GRTP1: variants seen among roughly 807,000 people sequenced by gnomAD.
GRTP1 encodes the protein growth hormone regulated TBC protein 1, also known as growth hormone-regulated TBC protein 1.
Under a neutral mutation model 38.1 loss-of-function variants are expected in GRTP1, and 56 were observed. The ratio of observed to expected loss-of-function variants is 1.47; its 90% CI spans 1.19 to 1.84. The LOEUF (loss-of-function observed/expected upper bound fraction) is 1.84. GRTP1 is among the 40% of genes most tolerant of loss of function. The pLI, the probability that GRTP1 is intolerant of heterozygous loss-of-function variation, is 0.00. For synonymous variants in GRTP1, 217 were observed against 189.5 expected (o/e 1.14, Z -1.19); for missense variants, 506 against 453.9 (o/e 1.11, Z -1.04).
Position 113,325,658 on chromosome 13 carries a change from C to T in GRTP1, c.921+3G>A, listed in dbSNP as rs1011363133. 6.3e-7 allele frequency: 1 copy of T among 1,578,880 alleles called. No individual in the cohort carries two copies. Among genetic ancestry groups the T allele is most frequent in the African/African-American group, 2.2e-5 (1 of 44,602 alleles). On this transcript the variant is annotated splice_donor_region_variant and intron_variant, in intron 7 of 7. Transcript: ENST00000375431. ...GGACTGAGCCACGTGCAGCCCCACACACCTGCATAAACGTGTGACACTCCA... is the reference window on the plus strand; with the variant it reads ...GGACTGAGCCACGTGCAGCCCCACATACCTGCATAAACGTGTGACACTCCA...
Position 113,343,049 on chromosome 13 carries a change from G to A in GRTP1, c.562+1814C>T, listed in dbSNP as rs527894565. 1.6e-4 allele frequency among the ~76,000 whole-genome samples: 24 copies of A among 152,160 alleles called. No individual in the cohort carries two copies. The highest frequency in any genetic ancestry group is 2.6e-4 in the Admixed American group (4 of 15,274). On this transcript the variant is annotated intron_variant, in intron 5 of 7. Transcript: ENST00000375431. This position sits in a 1 kb window ranked among gnomAD's most constrained non-coding sequence, Gnocchi z 4.8. The stretch of plus-strand genomic sequence containing the variant: ...CAGGAACTCGTGTGTGCTCACCGAT[G>A]TTTCCCACACCCCTGAACGGCGCCC...
chr13:113,355,307 AC>A lies in GRTP1; in HGVS notation c.340+15del, dbSNP rs1167399102. ...CCCCCGGGCCCTGCACCAGAGCTCG[AC>A]CCCCACCGCCTCACCTGTCCTGATG... is the stretch of plus-strand genomic sequence containing the variant. On this transcript the variant is annotated intron_variant, in intron 3 of 7. Coordinates refer to ENST00000375431, the MANE Select transcript of GRTP1 (RefSeq NM_024719.4). 6.2e-7 allele frequency: 1 copy of A among 1,611,770 alleles called. No homozygotes were observed. Among genetic ancestry groups the A allele is most frequent in the East Asian group, 2.2e-5 (1 of 44,800 alleles).
At chr13:113,341,675 G>A (rs993990398) in intron 5 of GRTP1, among the ~76,000 whole-genome samples, 2 of 152,044 alleles carry the variant, frequency 1.3e-5, no homozygotes, top group East Asian at 1.9e-4. Context: ...TGTTTCTGTC[G>A]CTAATTTTCA....
At chr13:113,353,285 A>G (rs1447798755) in intron 3 of GRTP1, among the ~76,000 whole-genome samples, 2 of 152,272 alleles carry the variant, frequency 1.3e-5, no homozygotes, top group Non-Finnish European at 2.9e-5. Flanking sequence ...AGCTGAAAGC[A>G]GGGACCCAGC....
intron 3 of GRTP1, among the ~76,000 whole-genome samples, chr13:113,354,297 A>G (rs1445223899): frequency 6.6e-6 from 1 of 152,054 alleles, no homozygotes; most frequent in Non-Finnish European, 1.5e-5. Context: ...CCCAGCTCCC[A>G]GCCTTGGGAG....
intron 3 of GRTP1, 106 bp downstream of exon 3, chr13:113,355,217 A>G (rs2043360476): frequency 8.9e-7 from 1 of 1,117,338 alleles, no homozygotes. Context: ...AGTTAAAAGC[A>G]GCAGGCGCAC....
chr13:113,343,800 C>T lies in GRTP1; in HGVS notation c.562+1063G>A, dbSNP rs1028565722. Among the ~76,000 whole-genome samples the T allele has an allele frequency of 7.9e-5, 12 of 152,222 alleles. No homozygotes were observed. The highest frequency in any genetic ancestry group is 2.4e-4 in the African/African-American group (10 of 41,452). ...TGGGGACTGGCCCGGCTGCCCCTCA[C>T]GTCTCCTCTGCCCTGCAGGATGAGC... On this transcript the variant is annotated intron_variant, in intron 5 of 7. Transcript: ENST00000375431. The surrounding 1 kb of genome is among the most constrained non-coding windows in gnomAD (Gnocchi z 4.8).
rs60508083 is a variant in GRTP1, at chr13:113,342,499, A to T, written c.562+2364T>A. On this transcript the variant is annotated intron_variant, in intron 5 of 7. Transcript: ENST00000375431. The surrounding 1 kb of genome is among the most constrained non-coding windows in gnomAD (Gnocchi z 4.5). ...CAGCCTGGGCGACAGAGCGAGACTCAGTCTCAAAAAAAAAAAAGTACTGTA... is the reference window on the plus strand; with the variant it reads ...CAGCCTGGGCGACAGAGCGAGACTCTGTCTCAAAAAAAAAAAAGTACTGTA... 0.24 allele frequency among the ~76,000 whole-genome samples: 35,991 copies of T among 151,698 alleles called. 5,876 individuals carry two copies. Among genetic ancestry groups the T allele is most frequent in the African/African-American group, 0.46 (19,087 of 41,300 alleles).
chr13:113,334,136 A>G (rs1392793878), intron 5 of GRTP1, among the ~76,000 whole-genome samples: 1 of 152,212 alleles, frequency 6.6e-6, no homozygotes, highest in Non-Finnish European at 1.5e-5. Flanking sequence ...CGCCTGGCCC[A>G]TGCCTGTGCA....
chr13:113,338,223 G>A (rs1340835340), intron 5 of GRTP1, among the ~76,000 whole-genome samples: 1 of 152,158 alleles, frequency 6.6e-6, no homozygotes, highest in Non-Finnish European at 1.5e-5. Context: ...GCCTTGTTGG[G>A]ATGGTGATTG....
chr13:113,324,699 A>G, intron 7 of GRTP1, 122 bp from the exon 8 acceptor site: 9 of 1,471,024 alleles, frequency 6.1e-6, no homozygotes, highest in Non-Finnish European at 8.1e-6. Context: ...TCCACATCCA[A>G]GGGCTTCTGG....
chr13:113,364,081 C>T lies in GRTP1; in HGVS notation c.-30G>A. The T allele has an allele frequency of 8.1e-7, 1 of 1,240,870 alleles. No homozygotes were observed. Among genetic ancestry groups the T allele is most frequent in the Non-Finnish European group, 1.0e-6 (1 of 997,388 alleles). 76.9% of individuals were successfully genotyped at this position (1,240,870 alleles called of 1,614,324 possible). On this transcript the variant is annotated 5_prime_UTR_variant, in exon 1 of 8. Coordinates refer to ENST00000375431, the MANE Select transcript of GRTP1 (RefSeq NM_024719.4). ...GGAGGGAGGCGCGCACCGAGCGAGG[C>T]CAGCGGGTCCCAAGTTCGCCTCCCG... is the stretch of plus-strand genomic sequence containing the variant.
In GRTP1 at chr13:113,343,391, G is replaced by A. The variant is rs1368686185; in HGVS notation, c.562+1472C>T. ...TCAACAGCTCTTCCCACTCCCGGGA[G>A]CTCTGTGGGGTTCCCTTCCTCTGGG... On this transcript the variant is annotated intron_variant, in intron 5 of 7. Coordinates refer to ENST00000375431, the MANE Select transcript of GRTP1 (RefSeq NM_024719.4). The surrounding 1 kb of genome is among the most constrained non-coding windows in gnomAD (Gnocchi z 4.8). 1.3e-5 allele frequency among the ~76,000 whole-genome samples: 2 copies of A among 152,218 alleles called. No homozygotes were observed. Among genetic ancestry groups the A allele is most frequent in the Non-Finnish European group, 2.9e-5 (2 of 68,044 alleles).
Position 113,355,335 on chromosome 13 carries a change from C to T in GRTP1, c.328G>A (p.Ala110Thr), listed in dbSNP as rs1226141528. ...CCCACCGCCTCACCTGTCCTGATGG[C>T]GTCCTCCAGCCTGGGGTTTCTCTCT... is the stretch of plus-strand genomic sequence containing the variant. ...QGERNPRLEDAIRTDLNRTFP... is the reference protein window; with the variant it reads ...QGERNPRLEDTIRTDLNRTFP... The change falls in exon 3 of 8, where the codon GCC becomes ACC. Residue 110 changes from alanine (A) to threonine (T), a missense_variant. Physicochemically the swap from Ala to Thr is moderately conservative, Grantham distance 58. Transcript: ENST00000375431. The T allele has an allele frequency of 1.9e-6, 3 of 1,613,970 alleles. No individual in the cohort carries two copies. The South Asian group carries it at 3.3e-5, about 18-fold the overall frequency.
intron 4 of GRTP1, among the ~76,000 whole-genome samples, chr13:113,350,505 C>A (rs2139494233): frequency 6.7e-6 from 1 of 149,804 alleles, no homozygotes; most frequent in South Asian, 2.1e-4. Flanking sequence ...GTGCACATGC[C>A]TTCCAGCATA....
intron 5 of GRTP1, among the ~76,000 whole-genome samples, chr13:113,338,015 G>T (rs1234499678): frequency 6.6e-6 from 1 of 152,256 alleles, no homozygotes; most frequent in Admixed American, 6.5e-5. Context: ...GAGGAAACCA[G>T]GTCAAACCCA....
At position 113,348,086 on chromosome 13, in the gene GRTP1, A is replaced by G. The variant is rs1019147447; in HGVS notation, c.465+2763T>C. Among the ~76,000 whole-genome samples, 8 of 152,252 alleles carry G rather than the reference A, an allele frequency of 5.3e-5. No individual in the cohort carries two copies. Among genetic ancestry groups the G allele is most frequent in the East Asian group, 1.9e-4 (1 of 5,182 alleles). The stretch of plus-strand genomic sequence containing the variant: ...TGAGAATGGACCCCTTTGAGTGGAC[A>G]GTGCTACTGGACCTGGGAGAGGGCG... On this transcript the variant is annotated intron_variant, in intron 4 of 7. Transcript: ENST00000375431. The surrounding 1 kb of genome is among the most constrained non-coding windows in gnomAD (Gnocchi z 4.8).
intron 5 of GRTP1, among the ~76,000 whole-genome samples, chr13:113,340,630 A>C (rs935287468): frequency 5.9e-5 from 9 of 152,034 alleles, no homozygotes; most frequent in Non-Finnish European, 1.3e-4. Context: ...AAATACAAAA[A>C]TTAGCCGGGC....
intron 5 of GRTP1, among the ~76,000 whole-genome samples, chr13:113,326,792 G>A (rs547835100): frequency 4.6e-5 from 7 of 152,324 alleles, no homozygotes; most frequent in African/African-American, 9.6e-5. Context: ...CCACGTGTCC[G>A]TCGGCAGACA....
Sources: allele counts gnomAD v4.1 joint callset (sites outside exome capture counted in the v4.1 genomes callset), GRCh38; gene constraint gnomAD v4.1.1; non-coding constraint Gnocchi (gnomAD v3.1); transcripts MANE v1.5; gene names NCBI Gene and HGNC (gene_info 2026-07-23, HGNC 2026-07-21).